ATP7B: variants seen among roughly 807,000 people sequenced by gnomAD.
ATP7B encodes the protein copper-transporting ATPase 2.
ATP7B carries 113 observed loss-of-function variants against 118.9 expected under a neutral mutation model. The ratio of observed to expected loss-of-function variants is 0.95; its 90% confidence interval spans 0.82 to 1.11. ATP7B has a LOEUF of 1.11. Ranked by LOEUF, ATP7B falls within the 50% of genes most tolerant of loss-of-function variation. The pLI is 0.00. For missense variants in ATP7B, 1,867 were observed against 1,871.4 expected (o/e 1.00, Z 0.04); for synonymous variants, 777 against 727.4 (o/e 1.07, Z -1.10).
Position 51,974,685 on chromosome 13 carries a change from T to G in ATP7B, c.535A>C (p.Ser179Arg). 6.2e-7 allele frequency: 1 copy of G among 1,611,456 alleles called. No homozygotes were observed. The highest frequency in any genetic ancestry group is 8.5e-7 in the Non-Finnish European group (1 of 1,177,762). Residue 179 changes from serine (S) to arginine (R), a missense_variant, in exon 2 of 21, where the codon AGC becomes CGC. Ser to Arg is a moderately radical substitution (Grantham distance 110). Coordinates refer to ENST00000242839, the MANE Select transcript of ATP7B (RefSeq NM_000053.4). ...TAAGTGATGACGGCCTCTTGGTTGC[T>G]GAGTGAGACTTTGACTCTCACTACT... ...QGVVRVKVSL[S>R]NQEAVITYQP... is the part of the protein sequence containing the mutation.
rs368589213 is a variant in ATP7B at position 51,950,367 on chromosome 13, C to T, written c.2480G>A (p.Arg827Gln). 3.5e-5 allele frequency: 57 copies of T among 1,614,050 alleles called. No homozygotes were observed. In the East Asian group the frequency reaches 3.8e-4, roughly 11 times the overall value. Residue 827 changes from arginine to glutamine, a missense_variant, in exon 10 of 21, where the codon CGG becomes CAG. Transcript: ENST00000242839. ...AGGGACCACCTTGACGATATCGCCCCGCTGCACCAGCTCCATGGGGACTTG... is the reference window on the plus strand; with the variant it reads ...AGGGACCACCTTGACGATATCGCCCTGCTGCACCAGCTCCATGGGGACTTG... ...EEQVPMELVQ[R>Q]GDIVKVVPGG... is the part of the protein sequence containing the mutation.
intron 9 of ATP7B, among the ~76,000 whole-genome samples, chr13:51,954,119 A>C (rs9535804): frequency 6.6e-6 from 1 of 152,164 alleles, no homozygotes; most frequent in Non-Finnish European, 1.5e-5. Context: ...TGCAACTTCC[A>C]TGCTGAGCCC....
Position 51,957,552 on chromosome 13 carries a change from G to C in ATP7B, c.2411C>G (p.Thr804Ser). ...ATTGTCCTCACCAAGGGTCACAACG[G>C]TGGCTTCTGTGGCTTGGAGAGACAT... ...KLMSLQATEA[T>S]VVTLGEDNLI... Residue 804 changes from threonine (T) to serine (S), a missense_variant, in exon 9 of 21, where the codon ACC becomes AGC. Transcript: ENST00000242839. 3.7e-6 allele frequency: 6 copies of C among 1,614,170 alleles called. No homozygotes were observed. Among genetic ancestry groups the C allele is most frequent in the Non-Finnish European group, 5.1e-6 (6 of 1,180,002 alleles).
chr13:52,005,549 C>T (rs1953724920), intron 1 of ATP7B, among the ~76,000 whole-genome samples: 1 of 152,158 alleles, frequency 6.6e-6, no homozygotes, highest in South Asian at 2.1e-4. Flanking sequence ...CTTTGCTGTC[C>T]ATACTTCCAC....
chr13:51,977,804 T>C (rs1199131189), intron 1 of ATP7B, among the ~76,000 whole-genome samples: 3 of 152,116 alleles, frequency 2.0e-5, no homozygotes, highest in Admixed American at 2.0e-4. Flanking sequence ...AGCTGCGAGA[T>C]CACTAGGCAA....
rs749412315 is a variant in ATP7B at position 51,961,850 on chromosome 13, T to A, written c.1933A>T (p.Met645Leu). Residue 645 changes from methionine to leucine, a missense_variant, in exon 6 of 21, where the codon ATG (methionine) becomes TTG (leucine). Coordinates refer to ENST00000242839, the MANE Select transcript of ATP7B (RefSeq NM_000053.4). Reference protein sequence around the residue: ...NPNAHHLDHKMEIKQWKKSFL... With the variant: ...NPNAHHLDHKLEIKQWKKSFL... ...TGTTCTACCTACTGCTTTATTTCCATCTTGTGGTCCAAGTGATGAGCGTTG... is the reference window on the plus strand; with the variant it reads ...TGTTCTACCTACTGCTTTATTTCCAACTTGTGGTCCAAGTGATGAGCGTTG... 8.7e-6 allele frequency: 14 copies of A among 1,613,788 alleles called. No individual in the cohort carries two copies. In the East Asian group the frequency reaches 2.9e-4, roughly 33 times the overall value.
In ATP7B at chr13:51,941,188, T is replaced by C. The variant is rs1478510427; in HGVS notation, c.3449A>G (p.Asn1150Ser). Reference sequence around the variant, plus strand: ...ACCGTTGCGCCTCAGCCACTCACGGTTTCCAATCAGCACAGAGAAGGTCTG... The same window carrying C: ...ACCGTTGCGCCTCAGCCACTCACGGCTTCCAATCAGCACAGAGAAGGTCTG... ...VPQTFSVLIG[N>S]REWLRRNGLT... Residue 1150 changes from asparagine to serine, a missense_variant, in exon 16 of 21, where the codon AAC becomes AGC. Asn to Ser is a conservative substitution (Grantham distance 46, BLOSUM62 1). Coordinates refer to ENST00000242839, the MANE Select transcript of ATP7B (RefSeq NM_000053.4). 1 of 1,613,922 alleles carries C rather than the reference T, an allele frequency of 6.2e-7. No homozygotes were observed. The highest frequency in any genetic ancestry group is 8.5e-7 in the Non-Finnish European group (1 of 1,180,014).
At chr13:51,947,978 T>C (rs1194253599) in intron 12 of ATP7B, 1 of 152,224 alleles carries the variant, frequency 6.6e-6, no homozygotes, top group Admixed American at 6.5e-5. Flanking sequence ...CCCATGGCCA[T>C]ATGCCAACGC....
At chr13:51,948,872 T>C (rs1414751020) in intron 12 of ATP7B, among the ~76,000 whole-genome samples, 1 of 152,156 alleles carries the variant, frequency 6.6e-6, no homozygotes, top group East Asian at 1.9e-4. Flanking sequence ...TTAGTAAATA[T>C]TTAACTATTA....
At chr13:51,984,981 C>T (rs1415643279) in intron 1 of ATP7B, among the ~76,000 whole-genome samples, 1 of 152,090 alleles carries the variant, frequency 6.6e-6, no homozygotes, top group Non-Finnish European at 1.5e-5. Flanking sequence ...TTGTAAAGAC[C>T]ATAGACACTA....
Position 51,974,305 on chromosome 13 carries a change from A to T in ATP7B, c.915T>A (p.Cys305Ter), listed in dbSNP as rs398123137. The T allele has an allele frequency of 6.2e-7, 1 of 1,614,168 alleles. No individual in the cohort carries two copies. Among genetic ancestry groups the T allele is most frequent in the Non-Finnish European group, 8.5e-7 (1 of 1,180,036 alleles). Residue 305 changes from cysteine to a stop codon, truncating the protein, a stop_gained, in exon 2 of 21, where the codon TGT (cysteine) becomes TGA (stop). Transcript: ENST00000242839. LOFTEE classifies it high-confidence loss of function. ...CCCTCTGCAGAGCCACTGGGCTGGT[A>T]CAAGAAGGGTCATACTTTACTTGGG... ...KTAQVKYDPS[C>*]TSPVALQRAI... is the part of the protein sequence containing the mutation.
intron 19 of ATP7B, among the ~76,000 whole-genome samples, chr13:51,936,267 G>A (rs983788880): frequency 3.3e-5 from 5 of 152,172 alleles, no homozygotes; most frequent in Non-Finnish European, 5.9e-5. Context: ...GGGACAAGAA[G>A]TAAACCTGCC....
At chr13:52,006,042 G>C (rs915787297) in intron 1 of ATP7B, among the ~76,000 whole-genome samples, 2 of 152,232 alleles carry the variant, frequency 1.3e-5, no homozygotes, top group African/African-American at 4.8e-5. Context: ...TGTGCCTTAA[G>C]GGCATGTTCC....
At chr13:51,938,687 C>A (rs2138646143) in intron 17 of ATP7B, among the ~76,000 whole-genome samples, 1 of 152,198 alleles carries the variant, frequency 6.6e-6, no homozygotes, top group East Asian at 1.9e-4. Context: ...TATCTGAGCA[C>A]CCCAGTGAGA....
intron 4 of ATP7B, among the ~76,000 whole-genome samples, 176 bp downstream of exon 4, chr13:51,968,268 T>C (rs1244192049): frequency 6.6e-6 from 1 of 152,200 alleles, no homozygotes; most frequent in African/African-American, 2.4e-5. Context: ...CTGACCTTTC[T>C]TAAAATGAAC....
intron 5 of ATP7B, 52 bp downstream of exon 5, chr13:51,964,820 A>T: frequency 1.3e-6 from 2 of 1,587,908 alleles, no homozygotes; most frequent in Non-Finnish European, 1.7e-6. Context: ...TTCACTGATT[A>T]TATATTACTG....
At chr13:51,935,243 C>T (rs745643638) in intron 20 of ATP7B, among the ~76,000 whole-genome samples, 26 of 152,200 alleles carry the variant, frequency 1.7e-4, no homozygotes, top group Non-Finnish European at 3.1e-4. Context: ...ACATTGTAGG[C>T]TGCCACTAAC....
intron 3 of ATP7B, among the ~76,000 whole-genome samples, chr13:51,969,608 G>A (rs1241015386): frequency 1.3e-5 from 2 of 152,046 alleles, no homozygotes; most frequent in African/African-American, 2.4e-5. Context: ...AAAAAGCCTC[G>A]TTCAAATAAA....
At chr13:51,968,726 C>T in intron 3 of ATP7B, 119 bp from the exon 4 acceptor site, 2 of 1,240,292 alleles carry the variant, frequency 1.6e-6, no homozygotes, top group Non-Finnish European at 2.3e-6. Flanking sequence ...CAGCAGTTTT[C>T]AAACACTGTT....
Sources: gnomAD v4.1 joint callset for allele counts (sites outside exome capture counted in the v4.1 genomes callset) on GRCh38, gnomAD v4.1.1 for gene constraint, MANE v1.5 for transcripts, NCBI Gene and HGNC (gene_info 2026-07-23, HGNC 2026-07-21) for gene names.